Variants in KCNQ5 observed in about 807,000 individuals in gnomAD.
KCNQ5 encodes the protein potassium voltage-gated channel subfamily KQT member 5.
A neutral mutation model predicts 98.2 loss-of-function variants in KCNQ5; 30 were observed. That is an observed-to-expected ratio of 0.31 (90% confidence interval 0.23 to 0.41). The LOEUF (loss-of-function observed/expected upper bound fraction) is 0.41, where lower values mean the gene tolerates loss of function less well. Ranked by LOEUF, KCNQ5 falls within the 10% of genes least tolerant of loss-of-function variation. The pLI is 1.00. For missense variants in KCNQ5, 835 were observed against 1,182.5 expected, an observed-to-expected ratio of 0.71 and a Z score of 4.31; for synonymous variants, 458 against 449.4, an observed-to-expected ratio of 1.02 and a Z score of -0.24.
chr6:72,724,133 T>A (rs1005343827), intron 1 of KCNQ5, among the ~76,000 whole-genome samples: 1 of 152,192 alleles, frequency 6.6e-6, no homozygotes, highest in East Asian at 1.9e-4. Context: ...TAGAGAGTCT[T>A]GGAATTACTT....
chr6:72,908,049 A>C (rs1779776221), intron 1 of KCNQ5, among the ~76,000 whole-genome samples: 1 of 152,116 alleles, frequency 6.6e-6, no homozygotes, highest in African/African-American at 2.4e-5. Flanking sequence ...TTGAAATTTT[A>C]ATATATAGGA....
At chr6:73,159,747 A>G (rs1305285268) in intron 10 of KCNQ5, among the ~76,000 whole-genome samples, 1 of 152,166 alleles carries the variant, frequency 6.6e-6, no homozygotes, top group African/African-American at 2.4e-5. Flanking sequence ...GTACATATAT[A>G]TTTTGAATTG....
chr6:72,741,114 G>A lies in KCNQ5; in HGVS notation c.398+118527G>A, dbSNP rs546843030. On this transcript the variant is annotated intron_variant, in intron 1 of 13. Transcript: ENST00000370398. ...GATGTCTTGCCCTTTTCCTGAGGGC[G>A]AAATACAGGAGTTGGGATGTTTAGA... 2.4e-4 allele frequency among the ~76,000 whole-genome samples: 36 copies of A among 152,324 alleles called. No individual in the cohort carries two copies. The South Asian group carries it at 6.4e-3, about 27-fold the overall frequency.
intron 1 of KCNQ5, among the ~76,000 whole-genome samples, chr6:72,680,189 C>T (rs1767635313): frequency 6.6e-6 from 1 of 152,198 alleles, no homozygotes; most frequent in African/African-American, 2.4e-5. Flanking sequence ...TACTCTCCAT[C>T]CCCTACCACC....
chr6:72,733,343 A>G (rs1183424104), intron 1 of KCNQ5, among the ~76,000 whole-genome samples: 1 of 152,240 alleles, frequency 6.6e-6, no homozygotes, highest in Non-Finnish European at 1.5e-5. Context: ...ATAGATGTCA[A>G]GTAAAGTAAG....
rs568428907 is a variant in KCNQ5, at chr6:72,789,876, G to A, written c.398+167289G>A. Reference sequence around the variant, plus strand: ...TTGTTTTGTTTTCCTTTTGGAGGCCGAGTGGAAAGGACCTCTTGGATAGGA... The same window carrying A: ...TTGTTTTGTTTTCCTTTTGGAGGCCAAGTGGAAAGGACCTCTTGGATAGGA... On this transcript the variant is annotated intron_variant, in intron 1 of 13. Transcript: ENST00000370398. Among the ~76,000 whole-genome samples, 5 of 152,202 alleles carry A rather than the reference G, an allele frequency of 3.3e-5. 1 individual carries two copies. The highest frequency in any genetic ancestry group is 4.1e-4 in the South Asian group (2 of 4,822).
At chr6:72,950,027 G>T (rs1326939356) in intron 1 of KCNQ5, among the ~76,000 whole-genome samples, 1 of 151,372 alleles carries the variant, frequency 6.6e-6, no homozygotes, top group African/African-American at 2.4e-5. Flanking sequence ...CAAAAGAGAT[G>T]AAAAAAAATT....
At chr6:73,014,542 G>A (rs958420616) in intron 2 of KCNQ5, among the ~76,000 whole-genome samples, 1 of 152,024 alleles carries the variant, frequency 6.6e-6, no homozygotes, top group African/African-American at 2.4e-5. Context: ...CCAGATGTTT[G>A]ACAGCTTCTA....
chr6:72,910,570 G>A (rs1225288461), intron 1 of KCNQ5, among the ~76,000 whole-genome samples: 1 of 129,116 alleles, frequency 7.7e-6, no homozygotes, highest in Non-Finnish European at 1.7e-5. Flanking sequence ...GGGGGTGTGT[G>A]TGTGTGTGTG....
At chr6:72,862,330 T>C (rs1777798775) in intron 1 of KCNQ5, among the ~76,000 whole-genome samples, 1 of 152,098 alleles carries the variant, frequency 6.6e-6, no homozygotes, top group Non-Finnish European at 1.5e-5. Flanking sequence ...AAAAAGGAAG[T>C]TGACTAAGTG....
chr6:73,181,401 A>C (rs182999536), intron 11 of KCNQ5, among the ~76,000 whole-genome samples: 1 of 152,360 alleles, frequency 6.6e-6, no homozygotes, highest in Non-Finnish European at 1.5e-5. Flanking sequence ...CTTATTCCTC[A>C]GCCTTTTGCT....
At chr6:73,111,830 G>A (rs1775253508) in intron 7 of KCNQ5, among the ~76,000 whole-genome samples, 3 of 152,196 alleles carry the variant, frequency 2.0e-5, no homozygotes, top group Admixed American at 2.0e-4. Flanking sequence ...CAACATATTT[G>A]TTTAGAATGT....
intron 1 of KCNQ5, among the ~76,000 whole-genome samples, chr6:72,892,818 AT>A (rs543681905): frequency 2.6e-5 from 4 of 152,224 alleles, no homozygotes; most frequent in South Asian, 4.1e-4. Flanking sequence ...TCTGCTCTGA[AT>A]TAAAATATCA....
chr6:73,134,071 G>T, intron 10 of KCNQ5: 1 of 456,382 alleles, frequency 2.2e-6, no homozygotes. Context: ...GGTCAACAAT[G>T]AAGGTGCTCT....
chr6:72,676,959 G>C (rs912451431), intron 1 of KCNQ5: 1 of 151,860 alleles, frequency 6.6e-6, no homozygotes, highest in Non-Finnish European at 1.5e-5. Context: ...CTTTGTTTTT[G>C]GTTTGATTTG....
chr6:73,101,283 A>T (rs896295290), intron 5 of KCNQ5, among the ~76,000 whole-genome samples: 3 of 152,222 alleles, frequency 2.0e-5, no homozygotes, highest in African/African-American at 7.2e-5. Context: ...TAAAAAGATC[A>T]TCCATCATGA....
intron 1 of KCNQ5, among the ~76,000 whole-genome samples, chr6:72,914,926 G>C (rs1780073190): frequency 6.6e-6 from 1 of 151,998 alleles, no homozygotes; most frequent in Non-Finnish European, 1.5e-5. Flanking sequence ...GCAAAACCCA[G>C]ACCAAATAAA....
chr6:72,761,485 A>T (rs888032149), intron 1 of KCNQ5, among the ~76,000 whole-genome samples: 1 of 151,884 alleles, frequency 6.6e-6, no homozygotes, highest in African/African-American at 2.4e-5. Context: ...TCTAAACCAT[A>T]TTATAAGTAA....
intron 7 of KCNQ5, among the ~76,000 whole-genome samples, chr6:73,116,402 A>G (rs895002909): frequency 1.3e-5 from 2 of 152,222 alleles, no homozygotes; most frequent in African/African-American, 4.8e-5. Context: ...CAAGTGGCTC[A>G]TGCCTGCAAC....
Sources: allele counts gnomAD v4.1 joint callset (sites outside exome capture counted in the v4.1 genomes callset), GRCh38; gene constraint gnomAD v4.1.1; transcripts MANE v1.5; gene names NCBI Gene and HGNC (gene_info 2026-07-23, HGNC 2026-07-21).